The following XIRP2 variants were observed in gnomAD, a reference collection of about 807,000 sequenced individuals.
XIRP2 encodes the protein xin actin-binding repeat-containing protein 2.
In XIRP2, 236 loss-of-function variants were observed where a neutral mutation model predicts 277.0. That is an observed-to-expected ratio of 0.85 (90% CI 0.77 to 0.95). The LOEUF is 0.95. Ranked by LOEUF, XIRP2 falls within the 40% of genes least tolerant of loss-of-function variation. The pLI, the probability that XIRP2 is intolerant of heterozygous loss-of-function variation, is 0.00. For missense variants in XIRP2, 4,640 were observed against 4,157.5 expected (o/e 1.12, Z -3.19); for synonymous variants, 1,490 against 1,416.5 (o/e 1.05, Z -1.17).
chr2:167,240,756 G>C lies in XIRP2; in HGVS notation c.1042+20G>C, dbSNP rs1695042071. ...AAACTGGTAAGAGTCTGGTATTATTGGTTCCAATACTCCTTTCTCCTATTG... is the reference window on the plus strand; with the variant it reads ...AAACTGGTAAGAGTCTGGTATTATTCGTTCCAATACTCCTTTCTCCTATTG... On this transcript the variant is annotated intron_variant, in intron 7 of 10. Coordinates refer to ENST00000409195, the MANE Select transcript of XIRP2 (RefSeq NM_152381.6). 6.2e-7 allele frequency: 1 copy of C among 1,600,840 alleles called. No homozygotes were observed. Among genetic ancestry groups the C allele is most frequent in the African/African-American group, 1.3e-5 (1 of 74,618 alleles).
At position 167,086,676 on chromosome 2, in the gene XIRP2, G is replaced by A. The variant is rs377734893; in HGVS notation, c.409-49233G>A. Among the ~76,000 whole-genome samples, 6 of 151,538 alleles carry A rather than the reference G, an allele frequency of 4.0e-5. No individual in the cohort carries two copies. The South Asian group carries it at 6.3e-4, about 16-fold the overall frequency. On this transcript the variant is annotated intron_variant, in intron 2 of 10. Coordinates refer to ENST00000409195, the MANE Select transcript of XIRP2 (RefSeq NM_152381.6). ...GTTTTTTCTCTAAACTTCCCTTCTC[G>A]CTTCATTTCATTCATTTCATCTTCC...
chr2:167,192,819 T>C lies in XIRP2; in HGVS notation c.563-17916T>C, dbSNP rs138927883. 5.5e-3 allele frequency among the ~76,000 whole-genome samples: 841 copies of C among 152,266 alleles called. 8 individuals carry two copies. The highest frequency in any genetic ancestry group is 0.019 in the African/African-American group (790 of 41,572). ...AAGGGAGGCACTGAGGAAAAGCAAC[T>C]GGCAGCAATCAACAGCTTGATCCCC... On this transcript the variant is annotated intron_variant, in intron 3 of 10. Transcript: ENST00000409195.
rs991710189 is a variant in XIRP2, at chr2:167,242,521, C to T, written c.1177-48C>T. On this transcript the variant is annotated intron_variant, in intron 8 of 10. Coordinates refer to ENST00000409195, the MANE Select transcript of XIRP2 (RefSeq NM_152381.6). ...ATGAAGGGCAGTGCCTAGGAAGCCTCTGCCACTACACTCACCTTTATAAGA... is the reference window on the plus strand; with the variant it reads ...ATGAAGGGCAGTGCCTAGGAAGCCTTTGCCACTACACTCACCTTTATAAGA... 5 of 1,551,022 alleles carry T rather than the reference C, an allele frequency of 3.2e-6. No homozygotes were observed. The African/African-American group carries it at 5.5e-5, about 17-fold the overall frequency.
intron 3 of XIRP2, among the ~76,000 whole-genome samples, chr2:167,153,615 G>C (rs1020411943): frequency 4.0e-5 from 6 of 151,192 alleles, no homozygotes; most frequent in African/African-American, 1.5e-4. Flanking sequence ...GTGTCCATGT[G>C]TTCTCATTGT....
At chr2:167,217,097 C>A (rs1369312621) in intron 4 of XIRP2, among the ~76,000 whole-genome samples, 3 of 132,058 alleles carry the variant, frequency 2.3e-5, no homozygotes, top group African/African-American at 8.8e-5. Flanking sequence ...ATCACATGGT[C>A]ACAGGAAGGG....
intron 3 of XIRP2, among the ~76,000 whole-genome samples, chr2:167,171,621 A>G (rs910332280): frequency 1.3e-5 from 2 of 152,214 alleles, no homozygotes; most frequent in African/African-American, 2.4e-5. Context: ...CACCGATATT[A>G]GTCTGCTTAT....
chr2:167,031,482 G>A (rs1558955380), intron 2 of XIRP2, among the ~76,000 whole-genome samples: 3 of 151,892 alleles, frequency 2.0e-5, no homozygotes, highest in Non-Finnish European at 4.4e-5. Context: ...TGAAATTCTG[G>A]TTTGAAAATT....
chr2:167,138,489 C>T lies in XIRP2; in HGVS notation c.562+2427C>T, dbSNP rs147179734. On this transcript the variant is annotated intron_variant, in intron 3 of 10. Coordinates refer to ENST00000409195, the MANE Select transcript of XIRP2 (RefSeq NM_152381.6). ...AGTTTGTGGACAATTGCTCTCACCA[C>T]GTCTATTTTATTTGCTCCTTTTCCT... 1.2e-4 allele frequency among the ~76,000 whole-genome samples: 19 copies of T among 152,280 alleles called. 1 individual carries two copies. In the East Asian group the frequency reaches 2.3e-3, roughly 19 times the overall value.
chr2:167,226,902 T>C (rs1224988869), intron 5 of XIRP2, among the ~76,000 whole-genome samples: 1 of 152,140 alleles, frequency 6.6e-6, no homozygotes, highest in African/African-American at 2.4e-5. Flanking sequence ...GGGCATGGAA[T>C]CCCAGTGGGA....
In XIRP2 at chr2:167,245,155, C is replaced by T. The variant is rs752630138; in HGVS notation, c.3763C>T (p.Gln1255Ter). ...ACCAATTGATAAGATAAAAGAAAGC[C>T]AAGAAGGTGATGAATGTGTTAAGAC... Reference protein sequence around the residue: ...NQPIDKIKESQEGDECVKTVT... With the variant: ...NQPIDKIKES The change falls in exon 9 of 11, where the codon CAA (glutamine) becomes TAA (stop). Residue 1255 changes from glutamine (Q) to a stop codon, truncating the protein, a stop_gained. Coordinates refer to ENST00000409195, the MANE Select transcript of XIRP2 (RefSeq NM_152381.6). LOFTEE classifies it high-confidence loss of function. 1 of 1,612,532 alleles carries T rather than the reference C, an allele frequency of 6.2e-7. No individual in the cohort carries two copies. The highest frequency in any genetic ancestry group is 8.5e-7 in the Non-Finnish European group (1 of 1,179,452).
chr2:167,073,327 G>A (rs1689481495), intron 2 of XIRP2, among the ~76,000 whole-genome samples: 1 of 152,014 alleles, frequency 6.6e-6, no homozygotes, highest in East Asian at 1.9e-4. Flanking sequence ...TTTAAGGAAA[G>A]TTTCTTTGTA....
intron 3 of XIRP2, among the ~76,000 whole-genome samples, chr2:167,136,386 C>A (rs1388572825): frequency 6.6e-6 from 1 of 152,032 alleles, no homozygotes; most frequent in Non-Finnish European, 1.5e-5. Flanking sequence ...AAAAGGAAAA[C>A]ATACTTGTCT....
chr2:166,958,831 A>G (rs919308725), intron 2 of XIRP2, among the ~76,000 whole-genome samples: 1 of 151,770 alleles, frequency 6.6e-6, no homozygotes, highest in South Asian at 2.1e-4. Flanking sequence ...AATTTGAATA[A>G]TCTACATCAT....
At chr2:166,898,144 C>A (rs1220782436) in intron 1 of XIRP2, among the ~76,000 whole-genome samples, 1 of 152,102 alleles carries the variant, frequency 6.6e-6, no homozygotes, top group Non-Finnish European at 1.5e-5. Flanking sequence ...TGATACCCAG[C>A]CCAGGTAGGA....
intron 2 of XIRP2, among the ~76,000 whole-genome samples, chr2:167,089,330 A>G (rs894746383): frequency 6.6e-6 from 1 of 152,148 alleles, no homozygotes; most frequent in East Asian, 1.9e-4. Context: ...CTGAATAACC[A>G]TAGTTCATCA....
At chr2:167,004,644 G>A (rs912687883) in intron 2 of XIRP2, among the ~76,000 whole-genome samples, 1 of 151,862 alleles carries the variant, frequency 6.6e-6, no homozygotes, top group African/African-American at 2.4e-5. Flanking sequence ...AGGACCGGAA[G>A]CTATTTCAAG....
chr2:167,009,886 T>C (rs1687616119), intron 2 of XIRP2, among the ~76,000 whole-genome samples: 1 of 152,182 alleles, frequency 6.6e-6, no homozygotes, highest in Admixed American at 6.5e-5. Context: ...TCTGTTCATT[T>C]CCTTCACCCA....
At chr2:167,126,202 C>A (rs1473102042) in intron 2 of XIRP2, among the ~76,000 whole-genome samples, 1 of 151,706 alleles carries the variant, frequency 6.6e-6, no homozygotes, top group African/African-American at 2.4e-5. Flanking sequence ...CTCTCTCACA[C>A]TCTCACTCTC....
chr2:167,201,210 G>A (rs1481934779), intron 3 of XIRP2, among the ~76,000 whole-genome samples: 5 of 112,092 alleles, frequency 4.5e-5, no homozygotes, highest in African/African-American at 1.5e-4. Flanking sequence ...AAGAAAGAAA[G>A]AAAGAAAGAA....
Sources: gnomAD v4.1 joint callset for allele counts (sites outside exome capture counted in the v4.1 genomes callset) on GRCh38, gnomAD v4.1.1 for gene constraint, MANE v1.5 for transcripts, NCBI Gene and HGNC (gene_info 2026-07-23, HGNC 2026-07-21) for gene names.